The following POU2AF2 variants were observed in gnomAD, a reference collection of about 807,000 sequenced individuals.
The protein encoded by POU2AF2 is POU domain class 2-associating factor 2.
the POU2AF2 span, among the ~76,000 whole-genome samples, chr11:111,280,076 ATATATC>A: frequency 7.7e-5 from 11 of 142,508 alleles, no homozygotes; most frequent in African/African-American, 2.5e-4. Context: ...ATATATATAT[ATATATC>A]TTTTGGAGGG....
At chr11:111,264,577 G>GGGA in the POU2AF2 span, among the ~76,000 whole-genome samples, 2 of 22,930 alleles carry the variant, frequency 8.7e-5, no homozygotes, top group Non-Finnish European at 1.8e-4. Context: ...AGAAAGAAAG[G>GGGA]GAGAGAGAAA....
chr11:111,277,059 C>CA, the POU2AF2 span, among the ~76,000 whole-genome samples: 1 of 151,962 alleles, frequency 6.6e-6, no homozygotes, highest in East Asian at 1.9e-4. Flanking sequence ...AGCTTAATAA[C>CA]AAAAAACAAG....
the POU2AF2 span, among the ~76,000 whole-genome samples, chr11:111,268,954 A>T: frequency 6.6e-6 from 1 of 152,044 alleles, no homozygotes; most frequent in Non-Finnish European, 1.5e-5. Flanking sequence ...TTGACTGCTA[A>T]GGCTCTTAAG....
At chr11:111,280,057 A>AATATATATATATATATATATATATAT in the POU2AF2 span, among the ~76,000 whole-genome samples, 40 of 76,462 alleles carry the variant, frequency 5.2e-4, 1 homozygote, top group Middle Eastern at 6.7e-3. Flanking sequence ...AAAAAAAAAA[A>AATATATATATATATATATATATATAT]ATATATATAT....
the POU2AF2 span, among the ~76,000 whole-genome samples, chr11:111,276,439 G>GAAAAAAAAAAAAAAAAA: frequency 3.6e-4 from 16 of 44,410 alleles, 2 homozygotes; most frequent in African/African-American, 1.5e-3. Context: ...CTACTAAAAA[G>GAAAAAAAAAAAAAAAAA]AAAAAAAAAA....
chr11:111,261,778 A>C, the POU2AF2 span, among the ~76,000 whole-genome samples: 1 of 152,230 alleles, frequency 6.6e-6, no homozygotes, highest in Non-Finnish European at 1.5e-5. Flanking sequence ...AGCCAGGAAC[A>C]GTAAGAAAAT....
the POU2AF2 span, among the ~76,000 whole-genome samples, chr11:111,261,763 G>C: frequency 2.0e-5 from 3 of 152,126 alleles, no homozygotes; most frequent in Admixed American, 6.5e-5. Flanking sequence ...TCATCAAAAT[G>C]CTATAGCCAG....
the POU2AF2 span, among the ~76,000 whole-genome samples, chr11:111,248,172 A>G: frequency 6.0e-4 from 92 of 152,124 alleles, no homozygotes; most frequent in Non-Finnish European, 1.2e-3. Flanking sequence ...TCCACAATAT[A>G]ACTAACATAT....
At chr11:111,264,580 GAGAGAA>G in the POU2AF2 span, among the ~76,000 whole-genome samples, 3 of 121,822 alleles carry the variant, frequency 2.5e-5, no homozygotes, top group Non-Finnish European at 5.6e-5. Flanking sequence ...AAGAAAGGGA[GAGAGAA>G]AGACAGAAAG....
At chr11:111,254,647 C>A in the POU2AF2 span, among the ~76,000 whole-genome samples, 1 of 152,212 alleles carries the variant, frequency 6.6e-6, no homozygotes, top group African/African-American at 2.4e-5. Context: ...CATACTACCT[C>A]TGGTTGTAGC....
At chr11:111,259,214 G>A in the POU2AF2 span, among the ~76,000 whole-genome samples, 1 of 151,392 alleles carries the variant, frequency 6.6e-6, no homozygotes, top group Non-Finnish European at 1.5e-5. Context: ...CAGTTTCCCA[G>A]TTTACAGATG....
the POU2AF2 span, among the ~76,000 whole-genome samples, chr11:111,269,225 G>C: frequency 6.6e-6 from 1 of 152,070 alleles, no homozygotes; most frequent in Non-Finnish European, 1.5e-5. Context: ...ATCTTCCGAG[G>C]AGGCAGTGTC....
At chr11:111,252,435 G>C in the POU2AF2 span, among the ~76,000 whole-genome samples, 1 of 152,016 alleles carries the variant, frequency 6.6e-6, no homozygotes, top group Non-Finnish European at 1.5e-5. Context: ...CTGGTCCAGG[G>C]ATCACATTTG....
At chr11:111,274,005 T>C in the POU2AF2 span, among the ~76,000 whole-genome samples, 4 of 152,208 alleles carry the variant, frequency 2.6e-5, no homozygotes, top group Non-Finnish European at 5.9e-5. Context: ...TTCAATGTTA[T>C]TTTTTGGAGG....
chr11:111,255,009 T>C, the POU2AF2 span, among the ~76,000 whole-genome samples: 44 of 152,204 alleles, frequency 2.9e-4, no homozygotes, highest in Non-Finnish European at 5.1e-4. Context: ...CTTTCTAGAA[T>C]AGGCCAAACA....
At chr11:111,250,834 G>C in the POU2AF2 span, among the ~76,000 whole-genome samples, 1 of 152,190 alleles carries the variant, frequency 6.6e-6, no homozygotes, top group East Asian at 1.9e-4. Context: ...AGACAGCAGA[G>C]ACAGCCAGCG....
the POU2AF2 span, among the ~76,000 whole-genome samples, chr11:111,254,015 C>T: frequency 6.6e-6 from 1 of 152,192 alleles, no homozygotes; most frequent in Non-Finnish European, 1.5e-5. Flanking sequence ...TGTTCTTGCA[C>T]TTAGCACGTT....
the POU2AF2 span, among the ~76,000 whole-genome samples, chr11:111,253,384 C>T: frequency 6.6e-6 from 1 of 152,216 alleles, no homozygotes; most frequent in Non-Finnish European, 1.5e-5. Context: ...AATCACTCCC[C>T]CAAGGGATTT....
chr11:111,250,888 G>A, the POU2AF2 span, among the ~76,000 whole-genome samples: 2 of 152,162 alleles, frequency 1.3e-5, no homozygotes, highest in African/African-American at 4.8e-5. Flanking sequence ...CTTCAGAAAC[G>A]CTGGGGTACA....
Sources: gnomAD v4.1 joint callset for allele counts (sites outside exome capture counted in the v4.1 genomes callset) on GRCh38, gnomAD v4.1.1 for gene constraint, MANE v1.5 for transcripts, NCBI Gene and HGNC (gene_info 2026-07-23, HGNC 2026-07-21) for gene names.